Variants in GAD1 observed in about 807,000 individuals in gnomAD.
GAD1 encodes the protein glutamate decarboxylase 1, also known as 67 kDa glutamic acid decarboxylase.
A neutral mutation model predicts 75.2 loss-of-function variants in GAD1; 35 were observed. The ratio of observed to expected loss-of-function variants is 0.47; its 90% CI spans 0.36 to 0.62. The LOEUF (loss-of-function observed/expected upper bound fraction) is 0.62, where lower values mean the gene tolerates loss of function less well. GAD1 is among the 20% of genes least tolerant of loss of function. GAD1 has a pLI of 0.00. For missense variants in GAD1, 490 were observed against 758.5 expected (o/e 0.65, Z 4.16); for synonymous variants, 257 against 271.9 (o/e 0.95, Z 0.54).
Position 170,818,369 on chromosome 2 carries a change from C to T in GAD1, c.-63-160C>T, listed in dbSNP as rs1048992355. On this transcript the variant is annotated intron_variant, in intron 1 of 16. Coordinates refer to ENST00000358196, the MANE Select transcript of GAD1 (RefSeq NM_000817.3). This position sits in a 1 kb window ranked among gnomAD's most constrained non-coding sequence, Gnocchi z 5.9. ...GCGCACGTCTCCTCCGCTGCCCCCA[C>T]CCCTGCGCACCCCTACCAGGCAGGC... 1.0e-5 allele frequency: 6 copies of T among 595,290 alleles called. No individual in the cohort carries two copies. The highest frequency in any genetic ancestry group is 1.8e-5 in the Non-Finnish European group (6 of 330,926). 36.9% of individuals were successfully genotyped at this position (595,290 alleles called of 1,614,324 possible). A position where few individuals can be genotyped will look rare whatever the true frequency, so the allele number is the denominator to read the frequency against.
intron 5 of GAD1, among the ~76,000 whole-genome samples, chr2:170,831,888 G>A (rs941872770): frequency 6.7e-6 from 1 of 150,320 alleles, no homozygotes; most frequent in African/African-American, 2.4e-5. Context: ...GGAGGCTGAG[G>A]CCAAGAGGCA....
At chr2:170,855,587 G>A (rs1702833328) in intron 14 of GAD1, among the ~76,000 whole-genome samples, 1 of 151,254 alleles carries the variant, frequency 6.6e-6, no homozygotes, top group African/African-American at 2.4e-5. Context: ...CATATAAATA[G>A]CCATAGGCTG....
intron 6 of GAD1, among the ~76,000 whole-genome samples, chr2:170,840,662 G>GAGGTAGGGA (rs1411296139): frequency 9.0e-5 from 11 of 121,608 alleles, no homozygotes; most frequent in South Asian, 3.4e-4. Flanking sequence ...GTAGGGAAGG[G>GAGGTAGGGA]AGGGAGGGAG....
At chr2:170,824,440 G>A (rs1701977411) in intron 3 of GAD1, among the ~76,000 whole-genome samples, 1 of 151,128 alleles carries the variant, frequency 6.6e-6, no homozygotes, top group African/African-American at 2.4e-5. Context: ...CATCCCTGGA[G>A]GGATGGACCT....
At chr2:170,827,735 T>C (rs1161965939) in intron 3 of GAD1, among the ~76,000 whole-genome samples, 1 of 152,146 alleles carries the variant, frequency 6.6e-6, no homozygotes, top group East Asian at 1.9e-4. Context: ...GCTTGTAGGC[T>C]CCTGGAGGGC....
chr2:170,853,088 C>G lies in GAD1; in HGVS notation c.1263+296C>G, dbSNP rs1344676748. The G allele has an allele frequency of 2.2e-6, 1 of 462,454 alleles. No individual in the cohort carries two copies. 28.6% of individuals were successfully genotyped at this position (462,454 alleles called of 1,614,324 possible). A position where few individuals can be genotyped will look rare whatever the true frequency, so the allele number is the denominator to read the frequency against. On this transcript the variant is annotated intron_variant, in intron 13 of 16. Transcript: ENST00000358196. The surrounding 1 kb of genome is among the most constrained non-coding windows in gnomAD (Gnocchi z 4.1). Reference sequence around the variant, plus strand: ...CATGTTTGCACAAAAAAAGTGGGAGCAAGTAGGTGAGGCATCCAATCAGTT... The same window carrying G: ...CATGTTTGCACAAAAAAAGTGGGAGGAAGTAGGTGAGGCATCCAATCAGTT...
chr2:170,817,225 A>ACCCCCCCCCCC (rs3049870), intron 1 of GAD1, 177 bp downstream of exon 1: 1 of 15,472 alleles, frequency 6.5e-5, no homozygotes, highest in Non-Finnish European at 1.9e-4. Context: ...CTGCGCAGGG[A>ACCCCCCCCCCC]CCCCCCCCCC....
rs1446517938 is a variant in GAD1 at position 170,818,510 on chromosome 2, C to A, written c.-63-19C>A. Reference sequence around the variant, plus strand: ...GACCCCGGAAGTCCTCCCCGCACAGCTCTCGCTTCTCTTTGCAGCCTGTTT... The same window carrying A: ...GACCCCGGAAGTCCTCCCCGCACAGATCTCGCTTCTCTTTGCAGCCTGTTT... On this transcript the variant is annotated intron_variant, in intron 1 of 16. Coordinates refer to ENST00000358196, the MANE Select transcript of GAD1 (RefSeq NM_000817.3). This position sits in a 1 kb window ranked among gnomAD's most constrained non-coding sequence, Gnocchi z 5.9. 2.3e-6 allele frequency: 3 copies of A among 1,320,928 alleles called. No homozygotes were observed. Among genetic ancestry groups the A allele is most frequent in the Non-Finnish European group, 2.2e-6 (2 of 913,188 alleles). 81.8% of individuals were successfully genotyped at this position (1,320,928 alleles called of 1,614,324 possible). A position where few individuals can be genotyped will look rare whatever the true frequency, so the allele number is the denominator to read the frequency against.
chr2:170,813,808 T>C (rs1701651020), upstream of GAD1, among the ~76,000 whole-genome samples: 1 of 152,134 alleles, frequency 6.6e-6, no homozygotes, highest in Non-Finnish European at 1.5e-5. Context: ...GTCCCAGCGG[T>C]GGTTGACCTA....
At chr2:170,829,716 CT>C in intron 4 of GAD1, 83 bp downstream of exon 4, 2 of 1,450,234 alleles carry the variant, frequency 1.4e-6, no homozygotes, top group East Asian at 4.6e-5. Flanking sequence ...AATTTTACTT[CT>C]TTTATCAAGA....
chr2:170,835,939 A>C (rs1702360425), intron 5 of GAD1, among the ~76,000 whole-genome samples: 1 of 152,166 alleles, frequency 6.6e-6, no homozygotes, highest in Admixed American at 6.5e-5. Flanking sequence ...TTTCTAAAAA[A>C]CAGTATTATT....
chr2:170,845,430 C>T (rs1443382331), intron 7 of GAD1, 76 bp from the exon 8 acceptor site: 1 of 1,250,742 alleles, frequency 8.0e-7, no homozygotes, highest in Non-Finnish European at 1.2e-6. Flanking sequence ...TCTCTTGAGA[C>T]ACCAGCTCAG....
chr2:170,847,608 T>C (rs1309302733), intron 10 of GAD1, 68 bp from the exon 11 acceptor site: 4 of 1,026,664 alleles, frequency 3.9e-6, no homozygotes, highest in Non-Finnish European at 6.2e-6. Context: ...CAATTCTTCT[T>C]CCTGTGAAAA....
intron 4 of GAD1, 76 bp from the exon 5 acceptor site, chr2:170,830,874 A>T: frequency 6.3e-7 from 1 of 1,580,020 alleles, no homozygotes; most frequent in Non-Finnish European, 8.7e-7. Context: ...TAGCATGGTT[A>T]ATATTAGGGG....
chr2:170,820,861 G>A (rs955296160), intron 2 of GAD1, among the ~76,000 whole-genome samples: 2 of 152,214 alleles, frequency 1.3e-5, no homozygotes, highest in African/African-American at 2.4e-5. Flanking sequence ...ACTCCTGCCA[G>A]TTTCATAGGA....
rs931546596 is a variant in GAD1 at position 170,853,172 on chromosome 2, C to G, written c.1263+380C>G. 3 of 294,440 alleles carry G rather than the reference C, an allele frequency of 1.0e-5. No individual in the cohort carries two copies. Among genetic ancestry groups the G allele is most frequent in the Non-Finnish European group, 2.0e-5 (3 of 152,704 alleles). 18.2% of individuals were successfully genotyped at this position (294,440 alleles called of 1,614,324 possible). A position where few individuals can be genotyped will look rare whatever the true frequency, so the allele number is the denominator to read the frequency against. Reference sequence around the variant, plus strand: ...GCATACTCGGAGTTCTTAGTATAAACGTGTGGTCCCAAGAACTGAAATAAA... The same window carrying G: ...GCATACTCGGAGTTCTTAGTATAAAGGTGTGGTCCCAAGAACTGAAATAAA... On this transcript the variant is annotated intron_variant, in intron 13 of 16. Transcript: ENST00000358196. The surrounding 1 kb of genome is among the most constrained non-coding windows in gnomAD (Gnocchi z 4.1).
chr2:170,849,438 TC>T, intron 12 of GAD1, 88 bp downstream of exon 12: 6 of 1,219,432 alleles, frequency 4.9e-6, no homozygotes, highest in Non-Finnish European at 4.8e-6. Flanking sequence ...CCTGCCCTGA[TC>T]CCCAGCATCA....
Position 170,850,540 on chromosome 2 carries a change from A to AG in GAD1, c.1184+1192dup, listed in dbSNP as rs1207491646. 2.0e-5 allele frequency among the ~76,000 whole-genome samples: 3 copies of AG among 152,314 alleles called. No homozygotes were observed. In the East Asian group the frequency reaches 5.8e-4, roughly 29 times the overall value. On this transcript the variant is annotated intron_variant, in intron 12 of 16. Transcript: ENST00000358196. ...AGGTGAGAGAGGTAGAAGCAGACTA[A>AG]GGAGGGAGAGGCAAACATGGAGCAG... is the stretch of plus-strand genomic sequence containing the variant.
At position 170,821,993 on chromosome 2, in the gene GAD1, C is replaced by A; in HGVS notation, c.83-94C>A. 2 of 1,080,552 alleles carry A rather than the reference C, an allele frequency of 1.9e-6. 1 individual carries two copies. The highest frequency in any genetic ancestry group is 2.7e-5 in the South Asian group (2 of 74,684). The allele number at this position is 1,080,552 out of a possible 1,614,324, so 66.9% of individuals were successfully genotyped here. On this transcript the variant is annotated intron_variant, in intron 2 of 16. Coordinates refer to ENST00000358196, the MANE Select transcript of GAD1 (RefSeq NM_000817.3). ...TTTTAATGAAGAGCTCTGGCAAAGT[C>A]CTCATCCTCCCCCAAGAAAACCATT...
Sources: allele counts gnomAD v4.1 joint callset (sites outside exome capture counted in the v4.1 genomes callset), GRCh38; gene constraint gnomAD v4.1.1; non-coding constraint Gnocchi (gnomAD v3.1); transcripts MANE v1.5; gene names NCBI Gene and HGNC (gene_info 2026-07-23, HGNC 2026-07-21).